Variants in AKT3 observed in about 807,000 individuals in gnomAD.
AKT3 encodes RAC-gamma serine/threonine-protein kinase.
Under a neutral mutation model 65.3 loss-of-function variants are expected in AKT3, and 15 were observed. The observed-to-expected ratio is 0.23, with a 90% CI of 0.15 to 0.35. The LOEUF is 0.35. AKT3 is among the 10% of genes least tolerant of loss of function. The pLI is 1.00. For missense variants in AKT3, 243 were observed against 576.5 expected (o/e 0.42, Z 5.92); for synonymous variants, 206 against 183.8 (o/e 1.12, Z -0.98).
intron 9 of AKT3, among the ~76,000 whole-genome samples, chr1:243,571,579 C>T (rs886091330): frequency 6.6e-6 from 1 of 152,140 alleles, no homozygotes; most frequent in African/African-American, 2.4e-5. Context: ...ATTCATAAAA[C>T]ATGTAGTGGG....
At chr1:243,603,747 T>C (rs1677187312) in intron 8 of AKT3, among the ~76,000 whole-genome samples, 1 of 152,152 alleles carries the variant, frequency 6.6e-6, no homozygotes, top group Non-Finnish European at 1.5e-5. Context: ...TCTATTTTTA[T>C]AAATACTCCA....
chr1:243,567,353 G>T (rs1021185735), intron 9 of AKT3, among the ~76,000 whole-genome samples: 9 of 151,928 alleles, frequency 5.9e-5, no homozygotes, highest in Admixed American at 2.0e-4. Flanking sequence ...TGTTGCCTAG[G>T]CTGGAGTACA....
At chr1:243,784,552 A>G (rs548557177) in intron 2 of AKT3, among the ~76,000 whole-genome samples, 1 of 152,346 alleles carries the variant, frequency 6.6e-6, no homozygotes, top group East Asian at 1.9e-4. Flanking sequence ...CACATAAAAA[A>G]GTACTAAATT....
At chr1:243,624,860 G>T in intron 6 of AKT3, 2 of 208,418 alleles carry the variant, frequency 9.6e-6, no homozygotes, top group Non-Finnish European at 2.1e-5. Context: ...TCTTCTCCCA[G>T]ATGGAAACTA....
At chr1:243,506,751 T>G (rs1490538309) in intron 13 of AKT3, among the ~76,000 whole-genome samples, 1 of 151,812 alleles carries the variant, frequency 6.6e-6, no homozygotes, top group Non-Finnish European at 1.5e-5. Flanking sequence ...AGGCCCTCTC[T>G]TCTTCTGCAA....
At chr1:243,566,315 G>C (rs1489006829) in intron 9 of AKT3, among the ~76,000 whole-genome samples, 1 of 152,116 alleles carries the variant, frequency 6.6e-6, no homozygotes, top group African/African-American at 2.4e-5. Context: ...GATAGGTTTG[G>C]GTAAGGAATA....
intron 2 of AKT3, among the ~76,000 whole-genome samples, chr1:243,751,976 A>C (rs1465602290): frequency 6.6e-6 from 1 of 152,154 alleles, no homozygotes; most frequent in Non-Finnish European, 1.5e-5. Context: ...GCTTCAGGGA[A>C]AGGTGGAGGA....
chr1:243,567,974 T>C (rs1409335362), intron 9 of AKT3, among the ~76,000 whole-genome samples: 1 of 152,172 alleles, frequency 6.6e-6, no homozygotes, highest in African/African-American at 2.4e-5. Context: ...CCTAGATATA[T>C]CAGTAACATC....
intron 2 of AKT3, among the ~76,000 whole-genome samples, chr1:243,760,289 T>TTTTA (rs1339715445): frequency 5.1e-5 from 7 of 137,674 alleles, no homozygotes; most frequent in African/African-American, 1.9e-4. Context: ...TGGCTTTTTT[T>TTTTA]TTTTTTTTTT....
intron 13 of AKT3, among the ~76,000 whole-genome samples, chr1:243,490,464 C>A (rs1666133285): frequency 6.6e-6 from 1 of 152,352 alleles, no homozygotes; most frequent in Admixed American, 6.5e-5. Flanking sequence ...GACGACACTA[C>A]ATTTTGAAAA....
intron 3 of AKT3, among the ~76,000 whole-genome samples, chr1:243,690,384 G>A (rs868398121): frequency 2.0e-4 from 30 of 152,280 alleles, no homozygotes; most frequent in African/African-American, 7.2e-4. Context: ...GCAGCCCTGA[G>A]ACAATGTATG....
At chr1:243,824,262 T>C (rs573462041) in intron 2 of AKT3, among the ~76,000 whole-genome samples, 55 of 152,060 alleles carry the variant, frequency 3.6e-4, no homozygotes, top group Middle Eastern at 3.4e-3. Context: ...ATTAACTCAA[T>C]ACAGATTTAA....
At chr1:243,622,328 A>T (rs941694182) in intron 6 of AKT3, among the ~76,000 whole-genome samples, 1 of 152,176 alleles carries the variant, frequency 6.6e-6, no homozygotes, top group African/African-American at 2.4e-5. Context: ...TAGTCATGCT[A>T]TTTAAAACTG....
intron 2 of AKT3, among the ~76,000 whole-genome samples, chr1:243,732,223 CA>C (rs1394536983): frequency 6.6e-6 from 1 of 152,114 alleles, no homozygotes; most frequent in African/African-American, 2.4e-5. Flanking sequence ...CAATGACAAC[CA>C]AGGACCAAAC....
chr1:243,704,183 C>T (rs1685647109), intron 2 of AKT3, among the ~76,000 whole-genome samples: 1 of 152,080 alleles, frequency 6.6e-6, no homozygotes, highest in Non-Finnish European at 1.5e-5. Flanking sequence ...TGCTCAAGAC[C>T]ACCTAGATCA....
At chr1:243,731,164 A>G (rs1687539439) in intron 2 of AKT3, among the ~76,000 whole-genome samples, 1 of 152,172 alleles carries the variant, frequency 6.6e-6, no homozygotes, top group African/African-American at 2.4e-5. Flanking sequence ...TCATAGCATA[A>G]ACTCTTATAT....
At chr1:243,607,586 G>A (rs970116370) in intron 8 of AKT3, among the ~76,000 whole-genome samples, 1 of 152,214 alleles carries the variant, frequency 6.6e-6, no homozygotes, top group Non-Finnish European at 1.5e-5. Context: ...ATAGTCAGAA[G>A]AGACTTGCCT....
intron 4 of AKT3, among the ~76,000 whole-genome samples, chr1:243,651,457 T>A (rs770765620): frequency 1.3e-5 from 2 of 152,220 alleles, no homozygotes; most frequent in Non-Finnish European, 2.9e-5. Flanking sequence ...AGAGGGGGCA[T>A]CCTTGTATTG....
chr1:243,653,243 T>C (rs1444662828), intron 4 of AKT3, among the ~76,000 whole-genome samples: 1 of 152,192 alleles, frequency 6.6e-6, no homozygotes, highest in Non-Finnish European at 1.5e-5. Flanking sequence ...CTAGAAAATC[T>C]AGAAGAAATG....
Sources: gnomAD v4.1 joint callset for allele counts (sites outside exome capture counted in the v4.1 genomes callset) on GRCh38, gnomAD v4.1.1 for gene constraint, MANE v1.5 for transcripts, NCBI Gene and HGNC (gene_info 2026-07-23, HGNC 2026-07-21) for gene names.